Variants in SCIN observed in about 807,000 individuals in gnomAD.
SCIN encodes the protein adseverin.
A neutral mutation model predicts 91.8 loss-of-function variants in SCIN; 91 were observed. The ratio of observed to expected loss-of-function variants is 0.99; its 90% CI spans 0.84 to 1.18. The LOEUF is 1.18. Among genes scored for constraint, SCIN ranks in the 50% most tolerant of loss-of-function variants. The pLI, the probability that SCIN is intolerant of heterozygous loss-of-function variation, is 0.00. For missense variants in SCIN, 1,087 were observed against 863.9 expected, an observed-to-expected ratio of 1.26 and a Z score of -3.24; for synonymous variants, 367 against 312.6, an observed-to-expected ratio of 1.17 and a Z score of -1.84.
intron 5 of SCIN, among the ~76,000 whole-genome samples, 177 bp downstream of exon 5, chr7:12,623,070 A>G (rs1405032467): frequency 6.6e-6 from 1 of 152,148 alleles, no homozygotes; most frequent in African/African-American, 2.4e-5. Context: ...AAGTTTTAAT[A>G]CTTTTTGTTA....
rs137873370 is a variant in SCIN, at chr7:12,593,315, G to A, written c.517-11199G>A. 3.7e-3 allele frequency among the ~76,000 whole-genome samples: 562 copies of A among 152,176 alleles called. 3 individuals carry two copies. The highest frequency in any genetic ancestry group is 0.02 in the Middle Eastern group (6 of 294). On this transcript the variant is annotated intron_variant, in intron 3 of 15. Coordinates refer to ENST00000297029, the MANE Select transcript of SCIN (RefSeq NM_001112706.3). The stretch of plus-strand genomic sequence containing the variant: ...GGGCTTTATCTAATTTATTTTGCTC[G>A]TCCCTGTTATTAAAGACTTTGAAAG...
intron 6 of SCIN, 30 bp from the exon 7 acceptor site, chr7:12,625,732 T>C: frequency 7.0e-7 from 1 of 1,423,306 alleles, no homozygotes; most frequent in Non-Finnish European, 9.8e-7. Context: ...TCTCTGAAGT[T>C]CTTTCTCTTT....
chr7:12,647,019 G>GACTGGTA (rs11273462), intron 13 of SCIN, among the ~76,000 whole-genome samples: 49,912 of 151,540 alleles, frequency 0.33, 8,802 homozygotes, highest in African/African-American at 0.47. Context: ...TTATTGTTTT[G>GACTGGTA]ACTTGATATT....
At position 12,657,572 on chromosome 7, in the gene SCIN, ATTT is replaced by A. The variant is rs71030521; in HGVS notation, c.*4881_*4883del. On this transcript the variant is annotated 3_prime_UTR_variant, in exon 16 of 16. Transcript: ENST00000297029. ...TATATATATATATATATATATATAT[ATTT>A]TTTTTTTTTTTTTTTTTTTTTTTGC... is the stretch of plus-strand genomic sequence containing the variant. 3.5e-3 allele frequency: 78 copies of A among 21,992 alleles called. No homozygotes were observed. Among genetic ancestry groups the A allele is most frequent in the South Asian group, 0.011 (2 of 178 alleles). 1.4% of individuals were successfully genotyped at this position (21,992 alleles called of 1,614,324 possible). A position where few individuals can be genotyped will look rare whatever the true frequency, so the allele number is the denominator to read the frequency against.
chr7:12,632,174 G>A (rs775505674), intron 9 of SCIN, among the ~76,000 whole-genome samples: 1 of 146,330 alleles, frequency 6.8e-6, no homozygotes, highest in East Asian at 2.0e-4. Context: ...CTGTTGCCCA[G>A]GCTGGAGTAC....
At chr7:12,614,278 A>G (rs952477426) in intron 4 of SCIN, among the ~76,000 whole-genome samples, 7 of 152,150 alleles carry the variant, frequency 4.6e-5, no homozygotes, top group Non-Finnish European at 8.8e-5. Context: ...TTGATGGCAT[A>G]CAAGTGCTTC....
chr7:12,577,459 C>G (rs1284469366), intron 1 of SCIN: 2 of 447,972 alleles, frequency 4.5e-6, no homozygotes, highest in Non-Finnish European at 8.9e-6. Context: ...CAAATTAATG[C>G]TTACTTAAAT....
Position 12,594,433 on chromosome 7 carries a change from A to G in SCIN, c.517-10081A>G, listed in dbSNP as rs1330599065. 2.0e-5 allele frequency among the ~76,000 whole-genome samples: 3 copies of G among 152,256 alleles called. No individual in the cohort carries two copies. The East Asian group carries it at 5.8e-4, about 29-fold the overall frequency. ...GGAGAATGAAGAAAGCCTGAATATA[A>G]GGAATCTCAGACCATTTCTCATTGC... On this transcript the variant is annotated intron_variant, in intron 3 of 15. Coordinates refer to ENST00000297029, the MANE Select transcript of SCIN (RefSeq NM_001112706.3).
Position 12,640,488 on chromosome 7 carries a change from A to T in SCIN, c.1552A>T (p.Asn518Tyr). 6.2e-7 allele frequency: 1 copy of T among 1,612,098 alleles called. No individual in the cohort carries two copies. Among genetic ancestry groups the T allele is most frequent in the Non-Finnish European group, 8.5e-7 (1 of 1,179,100 alleles). ...PPTRLFQVRR[N>Y]LASITRIVEV... is the part of the protein sequence containing the mutation. The stretch of plus-strand genomic sequence containing the variant: ...TACACGCCTCTTTCAAGTCCGGAGA[A>T]ACCTGGCATCTATCACCAGAATTGT... Residue 518 changes from asparagine (N) to tyrosine (Y), a missense_variant, in exon 11 of 16, where the codon AAC becomes TAC. Asn to Tyr is a moderately radical substitution (Grantham distance 143). Transcript: ENST00000297029.
intron 3 of SCIN, among the ~76,000 whole-genome samples, chr7:12,599,708 C>T (rs912333394): frequency 2.6e-5 from 4 of 151,878 alleles, no homozygotes; most frequent in Non-Finnish European, 5.9e-5. Context: ...TTCATCATGG[C>T]CATTCTTGCA....
intron 9 of SCIN, among the ~76,000 whole-genome samples, chr7:12,634,472 C>T (rs187728703): frequency 2.1e-5 from 3 of 141,072 alleles, no homozygotes; most frequent in South Asian, 2.3e-4. Flanking sequence ...GCAACAAGAG[C>T]GAAACTCCAT....
intron 3 of SCIN, among the ~76,000 whole-genome samples, chr7:12,582,039 T>A (rs1482600368): frequency 6.6e-6 from 1 of 152,160 alleles, no homozygotes; most frequent in Non-Finnish European, 1.5e-5. Context: ...ACACCATACA[T>A]CTCAACATTC....
Position 12,652,639 on chromosome 7 carries a change from T to A in SCIN, c.2072T>A (p.Ile691Asn), listed in dbSNP as rs1784105766. 2 of 1,612,158 alleles carry A rather than the reference T, an allele frequency of 1.2e-6. No homozygotes were observed. Among genetic ancestry groups the A allele is most frequent in the Non-Finnish European group, 8.5e-7 (1 of 1,179,374 alleles). ...DPSGRDKRTPIVIIKQGHEPP... is the reference protein window; with the variant it reads ...DPSGRDKRTPNVIIKQGHEPP... Reference sequence around the variant, plus strand: ...TCTGGAAGAGACAAGAGGACACCAATTGTCATCATAAAACAGGGCCATGAG... The same window carrying A: ...TCTGGAAGAGACAAGAGGACACCAAATGTCATCATAAAACAGGGCCATGAG... The change falls in exon 16 of 16, where the codon ATT becomes AAT. Residue 691 changes from isoleucine to asparagine, a missense_variant. By Grantham distance (149) the Ile-to-Asn change is moderately radical (BLOSUM62 -3). Coordinates refer to ENST00000297029, the MANE Select transcript of SCIN (RefSeq NM_001112706.3).
At chr7:12,636,672 CCAGA>C in intron 10 of SCIN, among the ~76,000 whole-genome samples, 1 of 152,202 alleles carries the variant, frequency 6.6e-6, no homozygotes, top group South Asian at 2.1e-4. Context: ...AAAACAGAAG[CCAGA>C]CAGAGTCAGA....
intron 3 of SCIN, among the ~76,000 whole-genome samples, chr7:12,589,983 C>T (rs539657107): frequency 7.3e-6 from 1 of 136,382 alleles, no homozygotes; most frequent in East Asian, 2.0e-4. Context: ...TTAACTGAGC[C>T]TTAAGGATCC....
intron 5 of SCIN, among the ~76,000 whole-genome samples, chr7:12,623,234 T>A (rs1301291741): frequency 1.3e-5 from 2 of 152,210 alleles, no homozygotes; most frequent in Non-Finnish European, 2.9e-5. Flanking sequence ...CTTTTTCTTA[T>A]AAATTCTTGA....
chr7:12,618,701 C>T (rs1161701107), intron 4 of SCIN, among the ~76,000 whole-genome samples: 1 of 152,016 alleles, frequency 6.6e-6, no homozygotes, highest in African/African-American at 2.4e-5. Context: ...GTAAATATAC[C>T]ATAACAACAA....
intron 3 of SCIN, among the ~76,000 whole-genome samples, chr7:12,585,853 A>G (rs137980391): frequency 6.6e-6 from 1 of 152,180 alleles, no homozygotes; most frequent in African/African-American, 2.4e-5. Context: ...TTGCTAGAAT[A>G]CTCGCCTCTT....
intron 1 of SCIN, among the ~76,000 whole-genome samples, chr7:12,574,582 A>G (rs896552019): frequency 2.0e-5 from 3 of 152,164 alleles, no homozygotes; most frequent in Non-Finnish European, 4.4e-5. Context: ...GATTATATCA[A>G]TGCCAATATC....
Sources: gnomAD v4.1 joint callset for allele counts (sites outside exome capture counted in the v4.1 genomes callset) on GRCh38, gnomAD v4.1.1 for gene constraint, MANE v1.5 for transcripts, NCBI Gene and HGNC (gene_info 2026-07-23, HGNC 2026-07-21) for gene names.